Variants in CANX observed in about 807,000 individuals in gnomAD.
The protein encoded by CANX is calnexin.
In CANX, 14 loss-of-function variants were observed where a neutral mutation model predicts 75.7. That is an observed-to-expected ratio of 0.19 (90% CI 0.12 to 0.29). CANX has a LOEUF of 0.29. Ranked by LOEUF, CANX falls within the 10% of genes least tolerant of loss-of-function variation. CANX has a pLI of 1.00. For synonymous variants in CANX, 227 were observed against 236.9 expected (o/e 0.96, Z 0.38); for missense variants, 567 against 713.2 (o/e 0.79, Z 2.34).
At chr5:179,692,594 C>G (rs1475318814) in intron 1 of CANX, among the ~76,000 whole-genome samples, 1 of 152,104 alleles carries the variant, frequency 6.6e-6, no homozygotes, top group African/African-American at 2.4e-5. Context: ...GTGGCATGAT[C>G]ATGGCTCACT....
rs771320740 is a variant in CANX at position 179,719,827 on chromosome 5, TG to T, written c.1025+47del. On this transcript the variant is annotated intron_variant, in intron 9 of 14. Coordinates refer to ENST00000247461, the MANE Select transcript of CANX (RefSeq NM_001746.4). The stretch of plus-strand genomic sequence containing the variant: ...TTTTTAATTACCTGGTTTTTTTGTT[TG>T]TTTTTTTTTTTGAGATGGAGTCTCA... The T allele has an allele frequency of 4.9e-5, 55 of 1,114,012 alleles. No individual in the cohort carries two copies. The African/African-American group carries it at 5.3e-4, about 11-fold the overall frequency. The allele number at this position is 1,114,012 out of a possible 1,614,324, so 69.0% of individuals were successfully genotyped here. A position where few individuals can be genotyped will look rare whatever the true frequency, so the allele number is the denominator to read the frequency against.
At chr5:179,684,489 G>A (rs913360522) in intron 1 of CANX, among the ~76,000 whole-genome samples, 3 of 147,076 alleles carry the variant, frequency 2.0e-5, no homozygotes, top group East Asian at 2.0e-4. Context: ...ACAGGTGCCC[G>A]CCACCACGCC....
chr5:179,699,213 G>A, intron 1 of CANX, 111 bp downstream of exon 1: 1 of 602,978 alleles, frequency 1.7e-6, no homozygotes, highest in Non-Finnish European at 2.1e-6. Context: ...GGTCGGGCTG[G>A]CTCTTGAGGG....
intron 13 of CANX, 119 bp from the exon 14 acceptor site, chr5:179,726,561 G>A (rs886199726): frequency 1.2e-5 from 8 of 649,606 alleles, no homozygotes; most frequent in African/African-American, 9.4e-5. Context: ...GGGCGACAGA[G>A]CAAGACTCTG....
chr5:179,724,674 G>T lies in CANX; in HGVS notation c.1536G>T (p.Met512Ile). ...CCSGKKQTSG[M>I]EYKKTDAPQP... The stretch of plus-strand genomic sequence containing the variant: ...CATTTCAGAAACAGACCAGTGGTAT[G>T]GAGTATAAGAAAACTGATGCACCTC... Residue 512 changes from methionine to isoleucine, a missense_variant, in exon 13 of 15, where the codon ATG becomes ATT. Physicochemically the swap from Met to Ile is conservative, Grantham distance 10. Transcript: ENST00000247461. 6.2e-7 allele frequency: 1 copy of T among 1,613,602 alleles called. No individual in the cohort carries two copies. Among genetic ancestry groups the T allele is most frequent in the Non-Finnish European group, 8.5e-7 (1 of 1,179,614 alleles).
chr5:179,678,694 G>T, exon 1 of CANX: 1 of 1,536,836 alleles, frequency 6.5e-7, no homozygotes, highest in Non-Finnish European at 8.7e-7. Context: ...GGATCACCTC[G>T]GGGTTGCGCT....
intron 13 of CANX, among the ~76,000 whole-genome samples, chr5:179,725,759 G>A (rs1778618537): frequency 6.6e-6 from 1 of 151,164 alleles, no homozygotes; most frequent in Non-Finnish European, 1.5e-5. Context: ...GGAGGCCGAG[G>A]TGGGTGGATC....
chr5:179,705,436 A>G (rs1777061571), intron 1 of CANX, among the ~76,000 whole-genome samples: 1 of 152,202 alleles, frequency 6.6e-6, no homozygotes, highest in Non-Finnish European at 1.5e-5. Flanking sequence ...TCCTCTCTAT[A>G]TGAGGATGTT....
At chr5:179,696,174 C>T (rs1016791983), upstream of CANX, among the ~76,000 whole-genome samples, 3 of 152,010 alleles carry the variant, frequency 2.0e-5, no homozygotes, top group African/African-American at 7.3e-5. Flanking sequence ...CCACCTTCGC[C>T]TCCCAAAGTG....
chr5:179,731,000 C>G lies in CANX; in HGVS notation c.*2356C>G, dbSNP rs2113310389. 1 of 152,236 alleles carries G rather than the reference C, an allele frequency of 6.6e-6. No individual in the cohort carries two copies. Among genetic ancestry groups the G allele is most frequent in the East Asian group, 1.9e-4 (1 of 5,190 alleles). 9.4% of individuals were successfully genotyped at this position (152,236 alleles called of 1,614,324 possible). A position where few individuals can be genotyped will look rare whatever the true frequency, so the allele number is the denominator to read the frequency against. ...TATGTTCAATTAGTGGGTTGATCTT[C>G]GTATAATTGGCCACTATGTGAGAGT... is the stretch of plus-strand genomic sequence containing the variant. On this transcript the variant is annotated 3_prime_UTR_variant, in exon 15 of 15. Coordinates refer to ENST00000247461, the MANE Select transcript of CANX (RefSeq NM_001746.4).
At chr5:179,686,002 A>T (rs56043012) in intron 1 of CANX, among the ~76,000 whole-genome samples, 5,958 of 151,500 alleles carry the variant, frequency 0.039, 156 homozygotes, top group African/African-American at 0.067. Flanking sequence ...CATCCTTAAT[A>T]AATTGAGGTT....
intron 1 of CANX, among the ~76,000 whole-genome samples, chr5:179,681,944 TAAAAA>T (rs58981244): frequency 2.4e-5 from 3 of 125,364 alleles, no homozygotes; most frequent in Non-Finnish European, 3.3e-5. Context: ...ACCCTGTGTT[TAAAAA>T]AAAAAAAAAA....
chr5:179,701,736 CTTTTTT>C (rs558907168), intron 1 of CANX, among the ~76,000 whole-genome samples: 5 of 43,994 alleles, frequency 1.1e-4, no homozygotes, highest in South Asian at 1.2e-3. Context: ...AACAGATGTA[CTTTTTT>C]TTTTTTTTTT....
intron 1 of CANX, among the ~76,000 whole-genome samples, chr5:179,679,704 G>A (rs1299022810): frequency 6.6e-6 from 1 of 152,062 alleles, no homozygotes; most frequent in Non-Finnish European, 1.5e-5. Flanking sequence ...CGTTGCCCGA[G>A]CTGGAGTGCA....
At chr5:179,690,824 G>A (rs1776287708) in intron 1 of CANX, among the ~76,000 whole-genome samples, 1 of 151,924 alleles carries the variant, frequency 6.6e-6, no homozygotes, top group Non-Finnish European at 1.5e-5. Flanking sequence ...AGGAGGCAGA[G>A]CTTGCAGTGA....
intron 1 of CANX, chr5:179,699,632 G>C (rs1157587357): frequency 1.3e-5 from 2 of 152,246 alleles, no homozygotes; most frequent in African/African-American, 4.8e-5. Flanking sequence ...AGGAGAACAC[G>C]CAGTGGTTGA....
chr5:179,718,922 C>A (rs1469838724), intron 8 of CANX, among the ~76,000 whole-genome samples: 1 of 152,076 alleles, frequency 6.6e-6, no homozygotes, highest in East Asian at 1.9e-4. Context: ...GCCTTGGCCT[C>A]CCAAAGTGCT....
chr5:179,701,530 A>G (rs1420499431), intron 1 of CANX, among the ~76,000 whole-genome samples: 1 of 151,686 alleles, frequency 6.6e-6, no homozygotes, highest in African/African-American at 2.4e-5. Context: ...AGATGGTTCC[A>G]TTGCACTCCA....
In CANX at chr5:179,723,004, T is replaced by C. The variant is rs752681410; in HGVS notation, c.1383T>C (p.Ala461=). The C allele has an allele frequency of 5.0e-6, 8 of 1,613,820 alleles. No individual in the cohort carries two copies. Among genetic ancestry groups the C allele is most frequent in the East Asian group, 4.5e-5 (2 of 44,896 alleles). ...ANDGWGLKKA[A]DGAAEPGVVG... is the part of the protein sequence containing the mutation. Reference sequence around the variant, plus strand: ...ATGGATGGGGCCTGAAGAAAGCTGCTGATGGGGCTGCTGAGGTTCGTGTTT... The same window carrying C: ...ATGGATGGGGCCTGAAGAAAGCTGCCGATGGGGCTGCTGAGGTTCGTGTTT... Residue 461 remains alanine, a synonymous_variant, in exon 11 of 15, where the codon GCT becomes GCC. Coordinates refer to ENST00000247461, the MANE Select transcript of CANX (RefSeq NM_001746.4).
Sources: allele counts gnomAD v4.1 joint callset (sites outside exome capture counted in the v4.1 genomes callset), GRCh38; gene constraint gnomAD v4.1.1; transcripts MANE v1.5; gene names NCBI Gene and HGNC (gene_info 2026-07-23, HGNC 2026-07-21).